LPP: variants seen among roughly 807,000 people sequenced by gnomAD.
LPP encodes lipoma-preferred partner.
In LPP, 38 loss-of-function variants were observed where a neutral mutation model predicts 60.4. The observed-to-expected ratio is 0.63, with a 90% CI of 0.49 to 0.83. The LOEUF is 0.83. Ranked by LOEUF, LPP falls within the 40% of genes least tolerant of loss-of-function variation. LPP has a pLI of 0.00. For synonymous variants in LPP, 328 were observed against 290.8 expected (o/e 1.13, Z -1.30); for missense variants, 902 against 783.6 (o/e 1.15, Z -1.80).
chr3:188,624,598 C>G (rs924992335), intron 7 of LPP, among the ~76,000 whole-genome samples: 1 of 152,172 alleles, frequency 6.6e-6, no homozygotes, highest in East Asian at 1.9e-4. Flanking sequence ...CAGGACTGTT[C>G]AGCCTTCTGT....
intron 4 of LPP, among the ~76,000 whole-genome samples, chr3:188,407,920 G>C (rs1784055161): frequency 6.6e-6 from 1 of 151,284 alleles, no homozygotes; most frequent in African/African-American, 2.4e-5. Context: ...CTCCCGTATA[G>C]CTGGATTACA....
chr3:188,389,940 T>G (rs997689895), intron 3 of LPP, among the ~76,000 whole-genome samples: 1 of 152,170 alleles, frequency 6.6e-6, no homozygotes, highest in African/African-American at 2.4e-5. Flanking sequence ...TTTCTGTTCA[T>G]CCAGGTGAGC....
At chr3:188,465,543 C>T (rs1800174145) in intron 4 of LPP, among the ~76,000 whole-genome samples, 2 of 152,174 alleles carry the variant, frequency 1.3e-5, no homozygotes, top group Admixed American at 6.6e-5. Context: ...TGTGTGTCGG[C>T]TCATGTCAAG....
At chr3:188,522,117 G>C (rs1425592662) in intron 5 of LPP, among the ~76,000 whole-genome samples, 1 of 152,172 alleles carries the variant, frequency 6.6e-6, no homozygotes, top group Non-Finnish European at 1.5e-5. Flanking sequence ...TTAGCACCTT[G>C]AAAACATCTG....
chr3:188,769,112 A>G (rs956122653), intron 9 of LPP, among the ~76,000 whole-genome samples: 4 of 152,228 alleles, frequency 2.6e-5, no homozygotes, highest in African/African-American at 4.8e-5. Context: ...AAAATATAAA[A>G]TATCTAGGTA....
At chr3:188,424,919 A>G (rs968185912) in intron 4 of LPP, among the ~76,000 whole-genome samples, 6 of 152,168 alleles carry the variant, frequency 3.9e-5, no homozygotes, top group African/African-American at 1.4e-4. Context: ...CCCTCTTCCT[A>G]TTTGAATATT....
intron 4 of LPP, among the ~76,000 whole-genome samples, chr3:188,420,543 C>T (rs1454504518): frequency 1.3e-5 from 2 of 152,052 alleles, no homozygotes; most frequent in African/African-American, 2.4e-5. Context: ...GGGTTCCATT[C>T]GTTTTTGAGA....
intron 6 of LPP, among the ~76,000 whole-genome samples, chr3:188,580,671 T>C (rs1835865210): frequency 6.6e-6 from 1 of 152,186 alleles, no homozygotes; most frequent in South Asian, 2.1e-4. Flanking sequence ...CCCTTATGAA[T>C]GGTTTGTTTC....
At position 188,281,422 on chromosome 3, in the gene LPP, C is replaced by T. The variant is rs566551530; in HGVS notation, c.-67+55895C>T. Among the ~76,000 whole-genome samples, 160 of 151,346 alleles carry T rather than the reference C, an allele frequency of 1.1e-3. 1 individual carries two copies. Among genetic ancestry groups the T allele is most frequent in the African/African-American group, 3.4e-4 (14 of 41,282 alleles). ...TTTGAGAACAGCCTGGCCAACATAG[C>T]GAAACCCCGTCTCTACTAAAAATAC... On this transcript the variant is annotated intron_variant, in intron 2 of 11. Transcript: ENST00000617246.
intron 4 of LPP, among the ~76,000 whole-genome samples, chr3:188,418,800 C>T (rs1787019666): frequency 6.6e-6 from 1 of 152,084 alleles, no homozygotes; most frequent in South Asian, 2.1e-4. Context: ...CATTATTTGA[C>T]AAGACCTTTG....
At chr3:188,387,728 G>A (rs1046163409) in intron 3 of LPP, among the ~76,000 whole-genome samples, 8 of 151,712 alleles carry the variant, frequency 5.3e-5, no homozygotes, top group Middle Eastern at 3.2e-3. Flanking sequence ...CACCACACCC[G>A]GCTAATTTTT....
rs143657569 is a variant in LPP at position 188,386,016 on chromosome 3, A to G, written c.-9-20096A>G. On this transcript the variant is annotated intron_variant, in intron 3 of 11. Transcript: ENST00000617246. ...CCCTGACTCCTAGTCCCACCATTTT[A>G]ATTTTATCATGATTTGAATAATATC... Among the ~76,000 whole-genome samples, 514 of 152,158 alleles carry G rather than the reference A, an allele frequency of 3.4e-3. 4 individuals are homozygous for G. The highest frequency in any genetic ancestry group is 0.014 in the East Asian group (72 of 5,176).
intron 3 of LPP, among the ~76,000 whole-genome samples, chr3:188,370,615 G>A (rs1010682863): frequency 2.6e-5 from 4 of 152,108 alleles, no homozygotes; most frequent in African/African-American, 7.2e-5. Flanking sequence ...CACAGTTTAC[G>A]CAATTTGTTT....
chr3:188,511,761 G>A (rs988585963), intron 5 of LPP, among the ~76,000 whole-genome samples: 3 of 152,182 alleles, frequency 2.0e-5, no homozygotes, highest in Admixed American at 1.3e-4. Flanking sequence ...CGATGAGATC[G>A]TATATATGAA....
intron 2 of LPP, among the ~76,000 whole-genome samples, chr3:188,250,756 TTCTTTCTTTC>T (rs1356615538): frequency 1.6e-5 from 2 of 121,526 alleles, no homozygotes; most frequent in Non-Finnish European, 1.7e-5. Flanking sequence ...CTTTCTTTCT[TTCTTTCTTTC>T]TTTCTTTCTT....
At chr3:188,464,268 A>T (rs1799821768) in intron 4 of LPP, among the ~76,000 whole-genome samples, 1 of 152,210 alleles carries the variant, frequency 6.6e-6, no homozygotes, top group Non-Finnish European at 1.5e-5. Context: ...ATACAGTATG[A>T]CTAAATCTGA....
rs1264151512 is a variant in LPP, at chr3:188,880,151, C to T, written c.*5672C>T. 2.5e-5 allele frequency: 4 copies of T among 162,888 alleles called. No individual in the cohort carries two copies. Among genetic ancestry groups the T allele is most frequent in the Non-Finnish European group, 4.0e-5 (3 of 74,350 alleles). The allele number at this position is 162,888 out of a possible 1,614,324, so 10.1% of individuals were successfully genotyped here. A position where few individuals can be genotyped will look rare whatever the true frequency, so the allele number is the denominator to read the frequency against. ...GTTCACGCCATTCTCCTGTCTCAGC[C>T]TCCCGAGTAGCTGGGACTACAGGCG... is the stretch of plus-strand genomic sequence containing the variant. On this transcript the variant is annotated 3_prime_UTR_variant, in exon 12 of 12. Coordinates refer to ENST00000617246, the MANE Select transcript of LPP (RefSeq NM_001375462.1).
At chr3:188,163,951 CAAAA>C (rs34632883) in intron 1 of LPP, among the ~76,000 whole-genome samples, 2 of 115,168 alleles carry the variant, frequency 1.7e-5, no homozygotes, top group Non-Finnish European at 1.8e-5. Flanking sequence ...ACTCTGTCTC[CAAAA>C]AAAAAAAAAA....
chr3:188,170,403 T>A (rs1216803413), intron 1 of LPP, among the ~76,000 whole-genome samples: 2 of 150,414 alleles, frequency 1.3e-5, no homozygotes, highest in African/African-American at 4.9e-5. Flanking sequence ...TGATTTCGGC[T>A]GACTGCAACC....
Sources: allele counts gnomAD v4.1 joint callset (sites outside exome capture counted in the v4.1 genomes callset), GRCh38; gene constraint gnomAD v4.1.1; transcripts MANE v1.5; gene names NCBI Gene and HGNC (gene_info 2026-07-23, HGNC 2026-07-21).